Variants in MDGA2 observed in about 807,000 individuals in gnomAD.
MDGA2 encodes MAM domain-containing glycosylphosphatidylinositol anchor protein 2.
Under a neutral mutation model 117.8 loss-of-function variants are expected in MDGA2, and 40 were observed. The observed-to-expected ratio is 0.34, with a 90% confidence interval of 0.26 to 0.44. MDGA2 has a LOEUF of 0.44. MDGA2 is among the 20% of genes least tolerant of loss of function. The pLI, the probability that MDGA2 is intolerant of heterozygous loss-of-function variation, is 1.00. For missense variants in MDGA2, 1,123 were observed against 1,250.6 expected (o/e 0.90, Z 1.54); for synonymous variants, 452 against 439.0 (o/e 1.03, Z -0.37).
At chr14:47,203,264 G>A (rs1486552689) in intron 3 of MDGA2, among the ~76,000 whole-genome samples, 1 of 151,864 alleles carries the variant, frequency 6.6e-6, no homozygotes, top group Admixed American at 6.6e-5. Context: ...GGTAAAGCTG[G>A]GAGTTCAGGA....
chr14:47,321,382 A>G (rs2139876029), intron 1 of MDGA2, among the ~76,000 whole-genome samples: 1 of 152,336 alleles, frequency 6.6e-6, no homozygotes, highest in South Asian at 2.1e-4. Context: ...TAGTTCCTGC[A>G]GATTTTATCA....
intron 2 of MDGA2, among the ~76,000 whole-genome samples, chr14:47,220,392 G>A (rs975520945): frequency 6.6e-6 from 1 of 151,992 alleles, no homozygotes; most frequent in Non-Finnish European, 1.5e-5. Context: ...ATTATTAATC[G>A]CCACATGGCT....
intron 15 of MDGA2, among the ~76,000 whole-genome samples, chr14:46,853,016 C>G (rs545287612): frequency 2.2e-4 from 34 of 151,818 alleles, no homozygotes; most frequent in Non-Finnish European, 4.3e-4. Context: ...TGAAGCCAAC[C>G]AAGAACTTAT....
intron 1 of MDGA2, among the ~76,000 whole-genome samples, chr14:47,313,567 G>A (rs141735603): frequency 1.3e-5 from 2 of 152,214 alleles, no homozygotes; most frequent in East Asian, 3.9e-4. Context: ...CATATACTGG[G>A]ATTATAGGCA....
chr14:47,486,336 C>T (rs1436851703), intron 1 of MDGA2, among the ~76,000 whole-genome samples: 21 of 152,162 alleles, frequency 1.4e-4, no homozygotes, highest in Admixed American at 1.4e-3. Flanking sequence ...TCCCATTTGG[C>T]ATCACTGTAT....
At chr14:47,496,901 TGG>T (rs1189971189) in intron 1 of MDGA2, among the ~76,000 whole-genome samples, 1 of 151,912 alleles carries the variant, frequency 6.6e-6, no homozygotes, top group Non-Finnish European at 1.5e-5. Context: ...GGGGATGGTT[TGG>T]GGATGAAACT....
intron 1 of MDGA2, among the ~76,000 whole-genome samples, chr14:47,475,060 G>T: frequency 6.6e-6 from 1 of 152,112 alleles, no homozygotes; most frequent in Non-Finnish European, 1.5e-5. Flanking sequence ...TACAGAATGG[G>T]AGAAAATTTT....
At chr14:47,501,434 T>C (rs1894397554) in intron 1 of MDGA2, among the ~76,000 whole-genome samples, 1 of 152,160 alleles carries the variant, frequency 6.6e-6, no homozygotes, top group Admixed American at 6.6e-5. Context: ...AGAACTGGTA[T>C]TAGATAGTGT....
chr14:47,626,435 C>T (rs1272622628), intron 1 of MDGA2: 4 of 153,242 alleles, frequency 2.6e-5, no homozygotes, highest in Non-Finnish European at 5.8e-5. Flanking sequence ...GCCTCCTCGG[C>T]TTTGGCACTC....
intron 2 of MDGA2, among the ~76,000 whole-genome samples, chr14:47,285,851 C>G (rs1455522701): frequency 1.3e-5 from 2 of 151,978 alleles, no homozygotes; most frequent in Non-Finnish European, 2.9e-5. Flanking sequence ...CCAAAAGCAG[C>G]ATAATTAATT....
At chr14:47,156,312 A>G (rs1883387387) in intron 3 of MDGA2, among the ~76,000 whole-genome samples, 1 of 152,144 alleles carries the variant, frequency 6.6e-6, no homozygotes, top group African/African-American at 2.4e-5. Flanking sequence ...ACCCTTCCTT[A>G]TATTTACATC....
intron 1 of MDGA2, among the ~76,000 whole-genome samples, chr14:47,349,694 C>T (rs1017001116): frequency 6.6e-6 from 1 of 152,038 alleles, no homozygotes; most frequent in Non-Finnish European, 1.5e-5. Context: ...AAGATCTTAC[C>T]TTCTAATAAT....
At chr14:47,153,734 C>T (rs939429795) in intron 3 of MDGA2, among the ~76,000 whole-genome samples, 7 of 147,464 alleles carry the variant, frequency 4.7e-5, no homozygotes, top group Admixed American at 2.0e-4. Context: ...AACAGTTGGG[C>T]GGGAGGGCTT....
At position 46,960,212 on chromosome 14, in the gene MDGA2, C is replaced by G. The variant is rs557592929; in HGVS notation, c.1820-2569G>C. On this transcript the variant is annotated intron_variant, in intron 8 of 16. Coordinates refer to ENST00000399232, the MANE Select transcript of MDGA2 (RefSeq NM_001113498.3). ...CTCCAGCCTGGGAAACAGAGCTGGA[C>G]TCTGCCTCAAAAAAAAAATTATATT... Among the ~76,000 whole-genome samples, 65 of 152,026 alleles carry G rather than the reference C, an allele frequency of 4.3e-4. 1 individual carries two copies. Among genetic ancestry groups the G allele is most frequent in the African/African-American group, 1.5e-3 (62 of 41,460 alleles).
At chr14:47,209,561 A>G (rs1174482359) in intron 3 of MDGA2, among the ~76,000 whole-genome samples, 1 of 152,178 alleles carries the variant, frequency 6.6e-6, no homozygotes, top group African/African-American at 2.4e-5. Context: ...AATAATTGAG[A>G]TAGGACTAAA....
intron 10 of MDGA2, among the ~76,000 whole-genome samples, chr14:46,918,971 C>A (rs910975220): frequency 4.0e-4 from 61 of 152,018 alleles, no homozygotes; most frequent in Admixed American, 2.8e-3. Flanking sequence ...ACCGTGTTAG[C>A]CAGGATGGTC....
chr14:46,863,786 G>A (rs1337727356), intron 14 of MDGA2, among the ~76,000 whole-genome samples: 1 of 152,014 alleles, frequency 6.6e-6, no homozygotes, highest in African/African-American at 2.4e-5. Flanking sequence ...GAAAAAAAAT[G>A]AGTTTAGAAG....
At chr14:46,874,608 G>A (rs1212233108) in intron 12 of MDGA2, among the ~76,000 whole-genome samples, 1 of 151,664 alleles carries the variant, frequency 6.6e-6, no homozygotes, top group African/African-American at 2.4e-5. Context: ...TTTTAAATTG[G>A]TATACTTTAA....
intron 1 of MDGA2, among the ~76,000 whole-genome samples, chr14:47,659,189 C>A (rs1897800242): frequency 6.6e-6 from 1 of 152,206 alleles, no homozygotes; most frequent in South Asian, 2.1e-4. Flanking sequence ...ACTAACACAT[C>A]TGCTCCTACC....
Sources: allele counts gnomAD v4.1 joint callset (sites outside exome capture counted in the v4.1 genomes callset), GRCh38; gene constraint gnomAD v4.1.1; transcripts MANE v1.5; gene names NCBI Gene and HGNC (gene_info 2026-07-23, HGNC 2026-07-21).